The following FBXO6 variants were observed in gnomAD, a reference collection of about 807,000 sequenced individuals.
FBXO6 encodes F-box protein 6.
In FBXO6, 13 loss-of-function variants were observed where a neutral mutation model predicts 25.0. The observed-to-expected ratio is 0.52, with a 90% CI of 0.34 to 0.83. FBXO6 has a LOEUF of 0.83. FBXO6 is among the 40% of genes least tolerant of loss of function. The pLI is 0.02. For missense variants in FBXO6, 370 were observed against 380.2 expected, an observed-to-expected ratio of 0.97 and a Z score of 0.22; for synonymous variants, 138 against 155.3, an observed-to-expected ratio of 0.89 and a Z score of 0.83.
In FBXO6 at chr1:11,674,181, G is replaced by A. The variant is rs556752812; in HGVS notation, c.*330G>A. 4.1e-4 allele frequency: 123 copies of A among 298,868 alleles called. No individual in the cohort carries two copies. The highest frequency in any genetic ancestry group is 2.3e-3 in the African/African-American group (107 of 46,494). 18.5% of individuals were successfully genotyped at this position (298,868 alleles called of 1,614,324 possible). On this transcript the variant is annotated 3_prime_UTR_variant, in exon 6 of 6. Transcript: ENST00000376753. The surrounding 1 kb of genome is among the most constrained non-coding windows in gnomAD (Gnocchi z 6.1). Reference sequence around the variant, plus strand: ...TAGCCGGGCGTGGTGGCGGGCGCCTGTAGTCCCAGCTACTCGGGAGGCTGA... The same window carrying A: ...TAGCCGGGCGTGGTGGCGGGCGCCTATAGTCCCAGCTACTCGGGAGGCTGA...
At chr1:11,670,105 T>C (rs1640574939) in intron 2 of FBXO6, among the ~76,000 whole-genome samples, 1 of 149,662 alleles carries the variant, frequency 6.7e-6, no homozygotes, top group Non-Finnish European at 1.5e-5. Context: ...CCCAGCTACT[T>C]GGGAGGCTGA....
rs894019049 is a variant in FBXO6, at chr1:11,669,024, C to T, written c.286+80C>T. The T allele has an allele frequency of 3.3e-6, 5 of 1,527,310 alleles. No homozygotes were observed. In the East Asian group the frequency reaches 1.1e-4, roughly 35 times the overall value. 94.6% of individuals were successfully genotyped at this position (1,527,310 alleles called of 1,614,324 possible). ...GGCCTTGGCACTTGCAATTCCCACA[C>T]TACCTGGAATATTCTCTAACCCTAA... On this transcript the variant is annotated intron_variant, in intron 2 of 5. Transcript: ENST00000376753.
chr1:11,670,569 G>T (rs1022249122), intron 2 of FBXO6, among the ~76,000 whole-genome samples: 1 of 148,992 alleles, frequency 6.7e-6, no homozygotes, highest in Non-Finnish European at 1.5e-5. Context: ...TCTGGGTCAA[G>T]TAAGCAGTCT....
At chr1:11,671,886 A>T in intron 3 of FBXO6, 42 bp from the exon 4 acceptor site, 1 of 1,524,464 alleles carries the variant, frequency 6.6e-7, no homozygotes, top group South Asian at 1.1e-5. Flanking sequence ...GGGGCCATGC[A>T]GAGCACACCC....
At position 11,673,225 on chromosome 1, in the gene FBXO6, C is replaced by CT; in HGVS notation, c.510-51dup. The CT allele has an allele frequency of 6.4e-7, 1 of 1,567,080 alleles. No individual in the cohort carries two copies. Among genetic ancestry groups the CT allele is most frequent in the Middle Eastern group, 1.8e-4 (1 of 5,496 alleles). On this transcript the variant is annotated intron_variant, in intron 4 of 5. Transcript: ENST00000376753. This position sits in a 1 kb window ranked among gnomAD's most constrained non-coding sequence, Gnocchi z 4.3. The stretch of plus-strand genomic sequence containing the variant: ...GTATAGGTCCCACCTGCCCCCACCC[C>CT]TGGGGCCAGCCCTCGGTGGCTTGGA...
intron 1 of FBXO6, among the ~76,000 whole-genome samples, chr1:11,667,289 C>A (rs1459956854): frequency 6.6e-6 from 1 of 152,210 alleles, no homozygotes; most frequent in Non-Finnish European, 1.5e-5. Flanking sequence ...CCAACCCCCA[C>A]CTACCTGGGG....
rs745782671 is a variant in FBXO6, at chr1:11,673,902, C to G, written c.*51C>G. ...AGCCAGAGGTTCCTCCAGGCAGGAGCTGAGCATGGGGTGGGCAGTGAGGTC... is the reference window on the plus strand; with the variant it reads ...AGCCAGAGGTTCCTCCAGGCAGGAGGTGAGCATGGGGTGGGCAGTGAGGTC... On this transcript the variant is annotated 3_prime_UTR_variant, in exon 6 of 6. Coordinates refer to ENST00000376753, the MANE Select transcript of FBXO6 (RefSeq NM_018438.6). The surrounding 1 kb of genome is among the most constrained non-coding windows in gnomAD (Gnocchi z 4.3). The G allele has an allele frequency of 6.4e-7, 1 of 1,562,186 alleles. No individual in the cohort carries two copies. Among genetic ancestry groups the G allele is most frequent in the South Asian group, 1.1e-5 (1 of 89,502 alleles).
In FBXO6 at chr1:11,673,619, C is replaced by A. The variant is rs1640690610; in HGVS notation, c.650C>A (p.Ser217Tyr). ...CCTCTCCCTTCCTCCCAACAGGTCTCCTACACCTTCTCAGACTACCCCCGG... is the reference window on the plus strand; with the variant it reads ...CCTCTCCCTTCCTCCCAACAGGTCTACTACACCTTCTCAGACTACCCCCGG... Reference protein sequence around the residue: ...QWNNATWTEVSYTFSDYPRGV... With the variant: ...QWNNATWTEVYYTFSDYPRGV... The change falls in exon 6 of 6, where the codon TCC becomes TAC. Residue 217 changes from serine (S) to tyrosine (Y), a missense_variant. By Grantham distance (144) the Ser-to-Tyr change is moderately radical (BLOSUM62 -2). Coordinates refer to ENST00000376753, the MANE Select transcript of FBXO6 (RefSeq NM_018438.6). This position sits in a 1 kb window ranked among gnomAD's most constrained non-coding sequence, Gnocchi z 4.3. 6.2e-7 allele frequency: 1 copy of A among 1,613,800 alleles called. No individual in the cohort carries two copies. Among genetic ancestry groups the A allele is most frequent in the African/African-American group, 1.3e-5 (1 of 74,924 alleles).
At chr1:11,668,629 G>A in intron 1 of FBXO6, 27 bp from the exon 2 acceptor site, 2 of 1,600,996 alleles carry the variant, frequency 1.2e-6, no homozygotes, top group Non-Finnish European at 1.7e-6. Context: ...TCCCTGGTCA[G>A]GCTCATAACT....
chr1:11,673,222 C>T lies in FBXO6; in HGVS notation c.510-55C>T. ...AATGTATAGGTCCCACCTGCCCCCA[C>T]CCCTGGGGCCAGCCCTCGGTGGCTT... On this transcript the variant is annotated intron_variant, in intron 4 of 5. Coordinates refer to ENST00000376753, the MANE Select transcript of FBXO6 (RefSeq NM_018438.6). The surrounding 1 kb of genome is among the most constrained non-coding windows in gnomAD (Gnocchi z 4.3). 6.4e-7 allele frequency: 1 copy of T among 1,563,036 alleles called. No homozygotes were observed. The highest frequency in any genetic ancestry group is 2.3e-5 in the East Asian group (1 of 44,432).
chr1:11,668,718 C>G lies in FBXO6; in HGVS notation c.60C>G (p.Ile20Met). The change falls in exon 2 of 6, where the codon ATC becomes ATG. Residue 20 changes from isoleucine to methionine, a missense_variant. By Grantham distance (10) the Ile-to-Met change is conservative. Transcript: ENST00000376753. ...LDSINELPEN[I>M]LLELFTHVPA... ...GCATTAACGAGCTGCCCGAGAACAT[C>G]CTGCTGGAGCTGTTCACGCACGTGC... 1 of 1,614,110 alleles carries G rather than the reference C, an allele frequency of 6.2e-7. No homozygotes were observed. Among genetic ancestry groups the G allele is most frequent in the Non-Finnish European group, 8.5e-7 (1 of 1,180,032 alleles).
At chr1:11,671,243 A>G in intron 2 of FBXO6, 23 bp from the exon 3 acceptor site, 1 of 1,610,496 alleles carries the variant, frequency 6.2e-7, no homozygotes, top group Middle Eastern at 1.8e-4. Context: ...AGGGGGTCTC[A>G]CCTTGGCTTC....
rs200333801 is a variant in FBXO6 at position 11,673,828 on chromosome 1, C to T, written c.859C>T (p.Arg287Ter). Residue 287 changes from arginine (R) to a stop codon, truncating the protein, a stop_gained, in exon 6 of 6, where the codon CGA (arginine) becomes TGA (stop). Transcript: ENST00000376753. LOFTEE classifies it low-confidence loss of function (END_TRUNC). This position sits in a 1 kb window ranked among gnomAD's most constrained non-coding sequence, Gnocchi z 4.3. ...GQEEAAQSPY[R>*]AVVQIF ...GGAGGAGGCTGCCCAATCGCCCTAC[C>T]GAGCTGTTGTCCAGATTTTCTGACA... is the stretch of plus-strand genomic sequence containing the variant. The T allele has an allele frequency of 1.9e-5, 30 of 1,614,066 alleles. No individual in the cohort carries two copies. Among genetic ancestry groups the T allele is most frequent in the Middle Eastern group, 1.6e-4 (1 of 6,062 alleles).
chr1:11,671,857 C>A, intron 3 of FBXO6, 71 bp from the exon 4 acceptor site: 1 of 1,390,240 alleles, frequency 7.2e-7, no homozygotes, highest in Non-Finnish European at 1.0e-6. Flanking sequence ...CAGGGGCTGC[C>A]AAGGCCTGGG....
rs1440244510 is a variant in FBXO6 at position 11,673,560 on chromosome 1, C to T, written c.646-55C>T. ...GGCAGCTCTCTTAGAGGACCTGGCT[C>T]CTGCCTTCCCCTCCCCCGTCCCGGT... On this transcript the variant is annotated intron_variant, in intron 5 of 5. Transcript: ENST00000376753. The surrounding 1 kb of genome is among the most constrained non-coding windows in gnomAD (Gnocchi z 4.3). 3 of 1,581,662 alleles carry T rather than the reference C, an allele frequency of 1.9e-6. No homozygotes were observed. The highest frequency in any genetic ancestry group is 2.6e-6 in the Non-Finnish European group (3 of 1,157,254).
rs1422386872 is a variant in FBXO6 at position 11,671,408 on chromosome 1, C to A, written c.413+16C>A. On this transcript the variant is annotated intron_variant, in intron 3 of 5. Coordinates refer to ENST00000376753, the MANE Select transcript of FBXO6 (RefSeq NM_018438.6). ...CATCCTACGAGTAAGGCAAACTGAA[C>A]CTACCAGGCTTGCGTGGAGGGGACA... 2.5e-6 allele frequency: 4 copies of A among 1,611,856 alleles called. No individual in the cohort carries two copies. The highest frequency in any genetic ancestry group is 3.4e-6 in the Non-Finnish European group (4 of 1,178,110).
At chr1:11,671,889 G>C in intron 3 of FBXO6, 39 bp from the exon 4 acceptor site, 3 of 1,558,828 alleles carry the variant, frequency 1.9e-6, no homozygotes, top group South Asian at 2.2e-5. Flanking sequence ...GCCATGCAGA[G>C]CACACCCAGG....
chr1:11,671,504 G>C, intron 3 of FBXO6, 112 bp downstream of exon 3: 1 of 1,488,058 alleles, frequency 6.7e-7, no homozygotes, highest in East Asian at 2.3e-5. Context: ...CGAAGCTCGA[G>C]GGAGGTGGCC....
intron 1 of FBXO6, among the ~76,000 whole-genome samples, chr1:11,665,550 C>G (rs1433398541): frequency 1.2e-5 from 1 of 84,696 alleles, no homozygotes; most frequent in Non-Finnish European, 2.1e-5. Flanking sequence ...CCACCGCGCC[C>G]GGCCTTTTTT....
Sources: allele counts gnomAD v4.1 joint callset (sites outside exome capture counted in the v4.1 genomes callset), GRCh38; gene constraint gnomAD v4.1.1; non-coding constraint Gnocchi (gnomAD v3.1); transcripts MANE v1.5; gene names NCBI Gene and HGNC (gene_info 2026-07-23, HGNC 2026-07-21).